SFXN2: variants seen among roughly 807,000 people sequenced by gnomAD.
SFXN2 encodes the protein sideroflexin 2.
A neutral mutation model predicts 41.9 loss-of-function variants in SFXN2; 37 were observed. The observed-to-expected ratio is 0.88, with a 90% CI of 0.68 to 1.16. SFXN2 has a LOEUF of 1.16. SFXN2 is among the 50% of genes most tolerant of loss of function. The probability of loss-of-function intolerance (pLI) is 0.00; values close to 1 mark genes in which losing one functional copy is unlikely to be tolerated. For synonymous variants in SFXN2, 150 were observed against 156.7 expected, an observed-to-expected ratio of 0.96 and a Z score of 0.32; for missense variants, 386 against 425.2, an observed-to-expected ratio of 0.91 and a Z score of 0.81.
Position 102,734,518 on chromosome 10 carries a change from C to G in SFXN2, c.821+915C>G, listed in dbSNP as rs981270539. Among the ~76,000 whole-genome samples, 8 of 152,196 alleles carry G rather than the reference C, an allele frequency of 5.3e-5. No individual in the cohort carries two copies. The highest frequency in any genetic ancestry group is 1.2e-4 in the Non-Finnish European group (8 of 68,034). On this transcript the variant is annotated intron_variant, in intron 10 of 11. Coordinates refer to ENST00000369893, the MANE Select transcript of SFXN2 (RefSeq NM_178858.6). The surrounding 1 kb of genome is among the most constrained non-coding windows in gnomAD (Gnocchi z 4.1). ...ACTGAGACTTAGACAGAGTAAGAAA[C>G]TTGCCCAAGGGTATATAGCTGGTAA...
At position 102,737,994 on chromosome 10, in the gene SFXN2, ACCCCTGTCCCCTGGAGACC is replaced by A; in HGVS notation, c.*233_*251del. 3.4e-6 allele frequency: 1 copy of A among 291,922 alleles called. No individual in the cohort carries two copies. Among genetic ancestry groups the A allele is most frequent in the African/African-American group, 2.2e-5 (1 of 45,796 alleles). The allele number at this position is 291,922 out of a possible 1,614,324, so 18.1% of individuals were successfully genotyped here. On this transcript the variant is annotated 3_prime_UTR_variant, in exon 12 of 12. Coordinates refer to ENST00000369893, the MANE Select transcript of SFXN2 (RefSeq NM_178858.6). ...CCAATGTCTTCTAGCTGCTTCCTCA[ACCCCTGTCCCCTGGAGACC>A]AGAAGCTGAGGCCCTCTCAGGGAGG...
At chr10:102,727,981 C>T (rs1001242361) in intron 3 of SFXN2, among the ~76,000 whole-genome samples, 7 of 152,020 alleles carry the variant, frequency 4.6e-5, no homozygotes, top group Admixed American at 3.9e-4. Context: ...GGCCAGCCTG[C>T]GCAGAAGCCC....
intron 1 of SFXN2, chr10:102,715,066 T>A (rs1328399421): frequency 1.3e-5 from 2 of 152,744 alleles, no homozygotes; most frequent in Non-Finnish European, 2.9e-5. Context: ...AGGGTGTCGC[T>A]CTGTCGCCCG....
rs369536382 is a variant in SFXN2 at position 102,733,561 on chromosome 10, A to G, written c.779A>G (p.Lys260Arg). ...LEKLHFMQKV[K>R]VLHAPLQVML... is the part of the protein sequence containing the mutation. ...TTATTTGTTTTTATACAGAAAGTCAAGGTCCTGCACGCCCCATTGCAGGTC... is the reference window on the plus strand; with the variant it reads ...TTATTTGTTTTTATACAGAAAGTCAGGGTCCTGCACGCCCCATTGCAGGTC... The change falls in exon 10 of 12, where the codon AAG (lysine) becomes AGG (arginine). Residue 260 changes from lysine (K) to arginine (R), a missense_variant. Physicochemically the swap from Lys to Arg is conservative, Grantham distance 26. Transcript: ENST00000369893. 22 of 1,613,786 alleles carry G rather than the reference A, an allele frequency of 1.4e-5. No homozygotes were observed. In the African/African-American group the frequency reaches 2.7e-4, roughly 20 times the overall value.
At chr10:102,722,192 T>A (rs1251118202) in intron 1 of SFXN2, among the ~76,000 whole-genome samples, 2 of 152,336 alleles carry the variant, frequency 1.3e-5, no homozygotes, top group Non-Finnish European at 1.5e-5. Flanking sequence ...AAGCGTCAGC[T>A]TTTTTTGTAT....
chr10:102,731,909 C>G, intron 7 of SFXN2, 126 bp downstream of exon 7: 1 of 855,994 alleles, frequency 1.2e-6, no homozygotes, highest in South Asian at 1.7e-5. Context: ...TCCTCACTCC[C>G]TATCAAATTT....
intron 11 of SFXN2, among the ~76,000 whole-genome samples, chr10:102,737,164 G>GTAAA (rs545614381): frequency 1.3e-3 from 197 of 151,766 alleles, no homozygotes; most frequent in South Asian, 3.9e-3. Context: ...CAATAAATAA[G>GTAAA]TAAATAAATA....
In SFXN2 at chr10:102,742,450, C is replaced by G. The variant is rs887361185; in HGVS notation, c.*4688C>G. 2.6e-5 allele frequency: 4 copies of G among 151,110 alleles called. No homozygotes were observed. The highest frequency in any genetic ancestry group is 4.4e-5 in the Non-Finnish European group (3 of 68,284). 9.4% of individuals were successfully genotyped at this position (151,110 alleles called of 1,614,324 possible). ...TGCTGGGATTACAGGCAGGAGCCAC[C>G]GCACCTGGCCTTTTTTTTTTTTTGA... On this transcript the variant is annotated 3_prime_UTR_variant, in exon 12 of 12. Coordinates refer to ENST00000369893, the MANE Select transcript of SFXN2 (RefSeq NM_178858.6).
At chr10:102,721,976 G>C (rs555983055) in intron 1 of SFXN2, among the ~76,000 whole-genome samples, 1 of 152,148 alleles carries the variant, frequency 6.6e-6, no homozygotes, top group Non-Finnish European at 1.5e-5. Context: ...CTGAGTGCAC[G>C]TGGGTTCATT....
At chr10:102,728,386 G>T in intron 3 of SFXN2, 45 bp from the exon 4 acceptor site, 1 of 1,524,984 alleles carries the variant, frequency 6.6e-7, no homozygotes, top group South Asian at 1.1e-5. Context: ...AGGACTCCCT[G>T]CCATCTGACT....
intron 1 of SFXN2, among the ~76,000 whole-genome samples, chr10:102,724,323 T>C (rs2064556363): frequency 1.3e-5 from 2 of 152,208 alleles, no homozygotes; most frequent in African/African-American, 2.4e-5. Flanking sequence ...TCCCTGGCCA[T>C]GTCCAGTCTA....
chr10:102,737,681 T>C lies in SFXN2; in HGVS notation c.888T>C (p.Tyr296=), dbSNP rs1446868541. 4 of 1,612,774 alleles carry C rather than the reference T, an allele frequency of 2.5e-6. No homozygotes were observed. The highest frequency in any genetic ancestry group is 3.4e-6 in the Non-Finnish European group (4 of 1,178,902). ...TTTTCAGTGAATTGCCAGTTTCCTA[T>C]CTGGAACCGAAGCTCCAAGACACTA... ...FPQKCELPVS[Y]LEPKLQDTIK... Residue 296 remains tyrosine, a synonymous_variant, in exon 12 of 12, where the codon TAT becomes TAC. Transcript: ENST00000369893.
At chr10:102,716,530 T>C (rs930579025) in intron 1 of SFXN2, 2 of 151,788 alleles carry the variant, frequency 1.3e-5, no homozygotes, top group African/African-American at 4.8e-5. Context: ...TCTATTACTT[T>C]TTTTTTCTCT....
intron 5 of SFXN2, 24 bp from the exon 6 acceptor site, chr10:102,729,699 C>G: frequency 6.2e-7 from 1 of 1,612,798 alleles, no homozygotes; most frequent in African/African-American, 1.3e-5. Flanking sequence ...CTGAACAACT[C>G]CTACTGTTCT....
At chr10:102,725,225 C>T (rs2064574499) in intron 1 of SFXN2, among the ~76,000 whole-genome samples, 2 of 152,134 alleles carry the variant, frequency 1.3e-5, no homozygotes, top group Non-Finnish European at 2.9e-5. Flanking sequence ...ATCTACAGTC[C>T]TGTGATGAGG....
At chr10:102,736,705 G>A (rs1179205910) in intron 11 of SFXN2, among the ~76,000 whole-genome samples, 9 of 151,444 alleles carry the variant, frequency 5.9e-5, no homozygotes, top group Admixed American at 3.9e-4. Context: ...GTGAGCCACC[G>A]CGCCTGGCCT....
In SFXN2 at chr10:102,735,752, C is replaced by A. The variant is rs2064768383; in HGVS notation, c.822-110C>A. On this transcript the variant is annotated intron_variant, in intron 10 of 11. Transcript: ENST00000369893. The stretch of plus-strand genomic sequence containing the variant: ...TTGGAGGGAGAGGATATGGTGCCAG[C>A]TGGGAAGGCAGGCCAGGTGCCTGGG... The A allele has an allele frequency of 5.6e-6, 6 of 1,077,252 alleles. No individual in the cohort carries two copies. In the Admixed American group the frequency reaches 1.0e-4, roughly 18 times the overall value. The allele number at this position is 1,077,252 out of a possible 1,614,324, so 66.7% of individuals were successfully genotyped here.
At chr10:102,725,968 G>A (rs2778036) in intron 1 of SFXN2, among the ~76,000 whole-genome samples, 34,390 of 152,038 alleles carry the variant, frequency 0.23, 4,715 homozygotes, top group South Asian at 0.35. Context: ...CCCCAAGATG[G>A]AGTCTTGCTC....
intron 7 of SFXN2, 130 bp from the exon 8 acceptor site, chr10:102,732,022 C>T: frequency 3.3e-6 from 3 of 902,558 alleles, no homozygotes; most frequent in Non-Finnish European, 5.1e-6. Context: ...TGAGGTCACT[C>T]AGCAACTGGA....
Sources: allele counts gnomAD v4.1 joint callset (sites outside exome capture counted in the v4.1 genomes callset), GRCh38; gene constraint gnomAD v4.1.1; non-coding constraint Gnocchi (gnomAD v3.1); transcripts MANE v1.5; gene names NCBI Gene and HGNC (gene_info 2026-07-23, HGNC 2026-07-21).